The following C4orf50 variants were observed in gnomAD, a reference collection of about 807,000 sequenced individuals.
C4orf50 encodes uncharacterized protein C4orf50.
Under a neutral mutation model 77.2 loss-of-function variants are expected in C4orf50, and 80 were observed. The ratio of observed to expected loss-of-function variants is 1.04; its 90% confidence interval spans 0.87 to 1.25. The LOEUF is 1.25. Among genes scored for constraint, C4orf50 ranks in the 50% most tolerant of loss-of-function variants. The pLI, the probability that C4orf50 is intolerant of heterozygous loss-of-function variation, is 0.00. For synonymous variants in C4orf50, 532 were observed against 465.3 expected (o/e 1.14, Z -1.84); for missense variants, 1,257 against 1,152.9 (o/e 1.09, Z -1.31).
chr4:5,933,974 C>A (rs989824702), intron 7 of C4orf50, among the ~76,000 whole-genome samples: 1 of 152,116 alleles, frequency 6.6e-6, no homozygotes, highest in African/African-American at 2.4e-5. Flanking sequence ...AGAGCAGAAG[C>A]AGGAAGAGAG....
chr4:5,944,424 G>A (rs961570519), intron 7 of C4orf50, among the ~76,000 whole-genome samples: 5 of 152,160 alleles, frequency 3.3e-5, no homozygotes, highest in African/African-American at 1.2e-4. Context: ...TGGCACCTTG[G>A]AGACACTAGG....
chr4:5,939,249 A>AAAAG (rs1553914203), intron 7 of C4orf50, among the ~76,000 whole-genome samples: 43 of 152,088 alleles, frequency 2.8e-4, no homozygotes, highest in African/African-American at 8.7e-4. Flanking sequence ...GTCTCAAAAA[A>AAAAG]AAAGAAAGAA....
chr4:5,979,322 T>G (rs1471970348), intron 29 of C4orf50, among the ~76,000 whole-genome samples: 2 of 152,230 alleles, frequency 1.3e-5, no homozygotes, highest in East Asian at 3.8e-4. Context: ...TTAAATAAGT[T>G]ATGATTTGGC....
In C4orf50 at chr4:6,000,642, AC is replaced by A. The variant is rs1424294699; in HGVS notation, c.964-6167del. 6.6e-6 allele frequency among the ~76,000 whole-genome samples: 1 copy of A among 151,360 alleles called. No individual in the cohort carries two copies. The highest frequency in any genetic ancestry group is 1.5e-5 in the Non-Finnish European group (1 of 67,882). ...CCTTTCCTCTGCCCCTACCTCCTTCACCCAATCTGTTTTGTCATCCTGTGGG... is the reference window on the plus strand; with the variant it reads ...CCTTTCCTCTGCCCCTACCTCCTTCACCAATCTGTTTTGTCATCCTGTGGG... On this transcript the variant is annotated intron_variant, in intron 25 of 33. Coordinates refer to ENST00000531445, the Ensembl canonical transcript of C4orf50. This position sits in a 1 kb window ranked among gnomAD's most constrained non-coding sequence, Gnocchi z 6.0.
chr4:6,016,401 T>C (rs982117598), intron 23 of C4orf50, among the ~76,000 whole-genome samples: 9 of 152,016 alleles, frequency 5.9e-5, no homozygotes, highest in African/African-American at 2.2e-4. Context: ...ATACAAAAAC[T>C]AGCTAGGCGT....
At chr4:6,012,223 A>G (rs1722522981) in intron 23 of C4orf50, among the ~76,000 whole-genome samples, 1 of 152,220 alleles carries the variant, frequency 6.6e-6, no homozygotes, top group Non-Finnish European at 1.5e-5. Flanking sequence ...CGAAGCCAGT[A>G]ATTGCAGATT....
chr4:5,964,734 C>T (rs1215585774), intron 33 of C4orf50, among the ~76,000 whole-genome samples: 1 of 142,268 alleles, frequency 7.0e-6, no homozygotes, highest in Non-Finnish European at 1.5e-5. Context: ...CGCCACTGCA[C>T]TCCAGCCTGG....
intron 7 of C4orf50, among the ~76,000 whole-genome samples, chr4:5,914,456 G>A (rs566980724): frequency 6.6e-6 from 1 of 151,926 alleles, no homozygotes; most frequent in Non-Finnish European, 1.5e-5. Context: ...CACCCGCCTC[G>A]GCCTCCCAAA....
At chr4:5,924,467 G>A (rs1717421569) in intron 7 of C4orf50, among the ~76,000 whole-genome samples, 1 of 152,192 alleles carries the variant, frequency 6.6e-6, no homozygotes, top group Admixed American at 6.5e-5. Flanking sequence ...CACACCCAGG[G>A]CCAGCAGGAG....
intron 27 of C4orf50, among the ~76,000 whole-genome samples, chr4:5,991,130 C>A (rs933820270): frequency 2.0e-5 from 3 of 152,204 alleles, no homozygotes; most frequent in African/African-American, 7.2e-5. Context: ...GGGCCATCCA[C>A]CCTATGTCAT....
downstream of C4orf50, among the ~76,000 whole-genome samples, chr4:5,955,171 T>C (rs573166427): frequency 6.6e-6 from 1 of 152,322 alleles, no homozygotes; most frequent in African/African-American, 2.4e-5. This position sits in a 1 kb window ranked among gnomAD's most constrained non-coding sequence, Gnocchi z 5.1. Flanking sequence ...GATAAAGCAG[T>C]GGCGGCACTT....
At chr4:5,935,809 A>AAT (rs1185314334) in intron 7 of C4orf50, among the ~76,000 whole-genome samples, 1 of 149,604 alleles carries the variant, frequency 6.7e-6, no homozygotes, top group Non-Finnish European at 1.5e-5. Context: ...AAAAAAAAAA[A>AAT]AGCCCCAGAG....
chr4:5,945,831 C>T (rs1718456774), intron 7 of C4orf50, among the ~76,000 whole-genome samples: 1 of 152,206 alleles, frequency 6.6e-6, no homozygotes, highest in African/African-American at 2.4e-5. Flanking sequence ...TCACACTCGG[C>T]TGCCCTGCTG....
intron 25 of C4orf50, among the ~76,000 whole-genome samples, chr4:6,004,292 ATGATGG>A (rs1722102854): frequency 3.5e-5 from 2 of 57,600 alleles, no homozygotes; most frequent in African/African-American, 6.5e-5. Flanking sequence ...GATGTTGGTG[ATGATGG>A]TGATGGTGGT....
At chr4:5,922,336 C>T (rs1717314178) in intron 7 of C4orf50, among the ~76,000 whole-genome samples, 1 of 152,214 alleles carries the variant, frequency 6.6e-6, no homozygotes, top group Non-Finnish European at 1.5e-5. Flanking sequence ...ACCTTAAGTC[C>T]GTGTTTCCTA....
At chr4:6,004,292 A>ATGGTGG (rs1722102488) in intron 25 of C4orf50, among the ~76,000 whole-genome samples, 1 of 57,600 alleles carries the variant, frequency 1.7e-5, no homozygotes, top group Non-Finnish European at 3.3e-5. Flanking sequence ...GATGTTGGTG[A>ATGGTGG]TGATGGTGAT....
intron 23 of C4orf50, among the ~76,000 whole-genome samples, chr4:6,016,160 T>A (rs886695185): frequency 6.6e-6 from 1 of 152,186 alleles, no homozygotes; most frequent in Non-Finnish European, 1.5e-5. Flanking sequence ...ATTAGAAGTG[T>A]TTGGGGTCTT....
At chr4:5,980,033 C>A in intron 29 of C4orf50, 141 bp downstream of exon 7, 12 of 475,068 alleles carry the variant, frequency 2.5e-5, no homozygotes, top group East Asian at 1.7e-4. Context: ...TTTCCTGGTA[C>A]TGCCTTATAC....
chr4:5,974,879 C>T (rs1027382191), intron 30 of C4orf50, among the ~76,000 whole-genome samples: 1 of 152,126 alleles, frequency 6.6e-6, no homozygotes, highest in African/African-American at 2.4e-5. Context: ...TGGCTCATGC[C>T]TGTAATCCCA....
Sources: allele counts gnomAD v4.1 joint callset (sites outside exome capture counted in the v4.1 genomes callset), GRCh38; gene constraint gnomAD v4.1.1; non-coding constraint Gnocchi (gnomAD v3.1); transcripts MANE v1.5; gene names NCBI Gene and HGNC (gene_info 2026-07-23, HGNC 2026-07-21).